EPHA3: variants seen among roughly 807,000 people sequenced by gnomAD.
EPHA3 encodes the protein ephrin type-A receptor 3.
In EPHA3, 42 loss-of-function variants were observed where a neutral mutation model predicts 107.1. That is an observed-to-expected ratio of 0.39 (90% CI 0.31 to 0.51). The LOEUF (loss-of-function observed/expected upper bound fraction) is 0.51, where lower values mean the gene tolerates loss of function less well. EPHA3 is among the 20% of genes least tolerant of loss of function. EPHA3 has a pLI of 0.78. For missense variants in EPHA3, 1,183 were observed against 1,211.2 expected, an observed-to-expected ratio of 0.98 and a Z score of 0.35; for synonymous variants, 461 against 424.8, an observed-to-expected ratio of 1.09 and a Z score of -1.05.
intron 13 of EPHA3, among the ~76,000 whole-genome samples, chr3:89,448,487 A>G (rs903011735): frequency 3.9e-5 from 6 of 152,168 alleles, no homozygotes; most frequent in African/African-American, 7.2e-5. Context: ...AAATGTATTT[A>G]TTGAACTAAG....
intron 13 of EPHA3, among the ~76,000 whole-genome samples, chr3:89,439,346 T>A (rs1321685666): frequency 6.6e-6 from 1 of 152,164 alleles, no homozygotes; most frequent in Non-Finnish European, 1.5e-5. Flanking sequence ...TAGTCCCAGC[T>A]ACTCAGGAGG....
Position 89,407,313 on chromosome 3 carries a change from A to G in EPHA3, c.1639A>G (p.Ile547Val). 1 of 1,613,618 alleles carries G rather than the reference A, an allele frequency of 6.2e-7. No homozygotes were observed. Reference sequence around the variant, plus strand: ...AAGTAGCCAAGTGGTCATGATCGCCATTTCAGCGGCAGTAGCAATTATTCT... The same window carrying G: ...AAGTAGCCAAGTGGTCATGATCGCCGTTTCAGCGGCAGTAGCAATTATTCT... ...GESSQVVMIAISAAVAIILLT... is the reference protein window; with the variant it reads ...GESSQVVMIAVSAAVAIILLT... The change falls in exon 8 of 17, where the codon ATT (isoleucine) becomes GTT (valine). Residue 547 changes from isoleucine (I) to valine (V), a missense_variant. Transcript: ENST00000336596.
At chr3:89,251,649 A>G (rs1400411582) in intron 3 of EPHA3, among the ~76,000 whole-genome samples, 1 of 152,138 alleles carries the variant, frequency 6.6e-6, no homozygotes, top group Non-Finnish European at 1.5e-5. Flanking sequence ...GATTATAAAG[A>G]TAAAATATAT....
chr3:89,316,353 A>G (rs1327453151), intron 3 of EPHA3, among the ~76,000 whole-genome samples: 4 of 151,286 alleles, frequency 2.6e-5, no homozygotes, highest in African/African-American at 9.7e-5. Flanking sequence ...CCACAGCATC[A>G]ATGACATTCC....
chr3:89,457,990 C>T (rs1335668155), intron 15 of EPHA3, among the ~76,000 whole-genome samples: 1 of 152,160 alleles, frequency 6.6e-6, no homozygotes, highest in Non-Finnish European at 1.5e-5. Context: ...GATCAGCCTT[C>T]TCATTGACAG....
chr3:89,271,400 A>G (rs1208528525), intron 3 of EPHA3, among the ~76,000 whole-genome samples: 5 of 151,952 alleles, frequency 3.3e-5, no homozygotes, highest in Non-Finnish European at 7.4e-5. Flanking sequence ...TGATAAATGT[A>G]TTTTTCTAAT....
chr3:89,188,685 A>C (rs1705629551), intron 2 of EPHA3, among the ~76,000 whole-genome samples: 1 of 152,166 alleles, frequency 6.6e-6, no homozygotes, highest in Admixed American at 6.6e-5. Flanking sequence ...TAATATATCC[A>C]AGATACTTCT....
At chr3:89,346,082 G>A (rs1364422414) in intron 5 of EPHA3, among the ~76,000 whole-genome samples, 1 of 124,350 alleles carries the variant, frequency 8.0e-6, no homozygotes, top group Admixed American at 8.0e-5. Context: ...AAACATACGT[G>A]TGCATGTGTC....
chr3:89,360,909 A>G lies in EPHA3; in HGVS notation c.1306+18819A>G, dbSNP rs1472912894. On this transcript the variant is annotated intron_variant, in intron 5 of 16. Transcript: ENST00000336596. Reference sequence around the variant, plus strand: ...GACTGGCATTACTTTTTAATTGACCAATGACAAAATTTAACACTCACTTCT... The same window carrying G: ...GACTGGCATTACTTTTTAATTGACCGATGACAAAATTTAACACTCACTTCT... Among the ~76,000 whole-genome samples the G allele has an allele frequency of 2.6e-5, 4 of 150,976 alleles. No homozygotes were observed. In the East Asian group the frequency reaches 7.8e-4, roughly 29 times the overall value.
At chr3:89,354,078 A>G (rs998415315) in intron 5 of EPHA3, among the ~76,000 whole-genome samples, 3 of 151,358 alleles carry the variant, frequency 2.0e-5, no homozygotes, top group Non-Finnish European at 3.0e-5. Flanking sequence ...TATGTTAACT[A>G]TATTCCCCCA....
At chr3:89,381,195 A>T (rs1476150469) in intron 5 of EPHA3, among the ~76,000 whole-genome samples, 1 of 149,852 alleles carries the variant, frequency 6.7e-6, no homozygotes, top group East Asian at 2.1e-4. Context: ...GATGATCTCG[A>T]TCTCCTGACC....
chr3:89,347,675 G>T (rs955771125), intron 5 of EPHA3, among the ~76,000 whole-genome samples: 2 of 150,696 alleles, frequency 1.3e-5, no homozygotes, highest in Admixed American at 1.3e-4. Flanking sequence ...GTGAGAGAGG[G>T]CATCCCTGTC....
chr3:89,261,806 A>C (rs1033297113), intron 3 of EPHA3, among the ~76,000 whole-genome samples: 2 of 151,542 alleles, frequency 1.3e-5, no homozygotes, highest in African/African-American at 2.4e-5. Context: ...TAGTTTTTTA[A>C]AAAGTGATAC....
intron 9 of EPHA3, among the ~76,000 whole-genome samples, chr3:89,410,148 G>C (rs1414941464): frequency 4.0e-5 from 6 of 151,886 alleles, no homozygotes; most frequent in African/African-American, 1.5e-4. Context: ...CATTTTACTT[G>C]GGGGTGTATA....
At chr3:89,194,813 C>T (rs1705798833) in intron 2 of EPHA3, among the ~76,000 whole-genome samples, 1 of 152,052 alleles carries the variant, frequency 6.6e-6, no homozygotes, top group Non-Finnish European at 1.5e-5. Flanking sequence ...CATTGTTTTT[C>T]CCTTGTTCTA....
At chr3:89,476,376 ATT>A (rs1049579364) in intron 16 of EPHA3, among the ~76,000 whole-genome samples, 1 of 147,192 alleles carries the variant, frequency 6.8e-6, no homozygotes. Flanking sequence ...TCAGCATCAC[ATT>A]TTTTTTTCCA....
At chr3:89,412,451 T>A (rs1709172815) in intron 9 of EPHA3, among the ~76,000 whole-genome samples, 2 of 151,616 alleles carry the variant, frequency 1.3e-5, no homozygotes, top group African/African-American at 4.8e-5. Flanking sequence ...TCTAATTATG[T>A]TATAAAGCTA....
chr3:89,390,019 T>C (rs891428212), intron 5 of EPHA3, among the ~76,000 whole-genome samples: 1 of 151,998 alleles, frequency 6.6e-6, no homozygotes, highest in African/African-American at 2.4e-5. Flanking sequence ...TGAGACTGAG[T>C]CTCACTCTGT....
At chr3:89,439,393 G>T (rs1232989217) in intron 13 of EPHA3, among the ~76,000 whole-genome samples, 2 of 152,052 alleles carry the variant, frequency 1.3e-5, no homozygotes, top group East Asian at 3.9e-4. Context: ...AGGAGGTCAG[G>T]GCTGCAGTGA....
Sources: gnomAD v4.1 joint callset for allele counts (sites outside exome capture counted in the v4.1 genomes callset) on GRCh38, gnomAD v4.1.1 for gene constraint, MANE v1.5 for transcripts, NCBI Gene and HGNC (gene_info 2026-07-23, HGNC 2026-07-21) for gene names.